Variants in SPATA31C1 observed in about 807,000 individuals in gnomAD.
SPATA31C1 encodes the protein SPATA31 subfamily C member 1, also known as spermatogenesis-associated protein 31C1.
Position 87,919,255 on chromosome 9 carries a change from C to T in SPATA31C1, n.523-36C>T, listed in dbSNP as rs199847889. The T allele has an allele frequency of 7.8e-4, 1,248 of 1,599,526 alleles. 32 individuals carry two copies. In the South Asian group the frequency reaches 0.012, roughly 15 times the overall value. ...CTCCTCGCCATTTCTTGTCTCCCAG[C>T]GTCATCTTGTCTCCCAGCGTCATCT... is the stretch of plus-strand genomic sequence containing the variant. On this transcript the variant is annotated intron_variant and non_coding_transcript_variant, in intron 2 of 4. Transcript: ENST00000420021.
At chr9:87,921,222 G>T (rs1440420364) in exon 5 of SPATA31C1, 10 of 1,611,814 alleles carry the variant, frequency 6.2e-6, no homozygotes, top group Non-Finnish European at 8.5e-6. Context: ...CCTTCCCCAG[G>T]AAAGACTGAC....
At chr9:87,920,712 C>T (rs562949328) in exon 5 of SPATA31C1, 27 of 1,614,014 alleles carry the variant, frequency 1.7e-5, no homozygotes, top group East Asian at 1.6e-4. Context: ...CTTGTCTCCA[C>T]GTGAGGATTT....
chr9:87,917,456 G>C (rs1828756890), intron 1 of SPATA31C1: 2 of 108,078 alleles, frequency 1.9e-5, no homozygotes, highest in Middle Eastern at 9.8e-3. Flanking sequence ...AAGTGAGATA[G>C]AAATAATTTT....
chr9:87,917,017 G>T (rs200490351), intron 1 of SPATA31C1, among the ~76,000 whole-genome samples: 27,490 of 100,410 alleles, frequency 0.27, 3,416 homozygotes, highest in South Asian at 0.36. Context: ...GAAAACTGCA[G>T]GTCCTGCACA....
chr9:87,920,073 A>C, intron 4 of SPATA31C1, 97 bp downstream of exon 3: 1 of 1,608,382 alleles, frequency 6.2e-7, no homozygotes, highest in East Asian at 2.2e-5. Context: ...TGGGGAGACC[A>C]GGGGGACAGA....
In SPATA31C1 at chr9:87,920,247, T is replaced by C; in HGVS notation, n.642-5T>C. The C allele has an allele frequency of 6.2e-7, 1 of 1,613,092 alleles. No homozygotes were observed. Among genetic ancestry groups the C allele is most frequent in the Non-Finnish European group, 8.5e-7 (1 of 1,179,568 alleles). ...GCTGCAGCTTGTGCCTCCTGTCTCC[T>C]GCAGCCTCCTGGGGCCACACCTTGA... On this transcript the variant is annotated splice_region_variant and splice_polypyrimidine_tract_variant and intron_variant and non_coding_transcript_variant, in intron 4 of 4. Coordinates refer to ENST00000420021, the Ensembl canonical transcript of SPATA31C1.
At chr9:87,922,201 C>G in exon 5 of SPATA31C1, 1 of 1,613,280 alleles carries the variant, frequency 6.2e-7, no homozygotes, top group Non-Finnish European at 8.5e-7. Context: ...TCCTTGAAGG[C>G]TCCTACAGCT....
downstream of SPATA31C1, chr9:87,923,640 T>C (rs1401110685): frequency 1.6e-6 from 1 of 634,754 alleles, no homozygotes; most frequent in African/African-American, 1.8e-5. Flanking sequence ...TTCCACAATA[T>C]ATACGGTTTT....
At chr9:87,922,336 C>G (rs754252520) in exon 5 of SPATA31C1, 3 of 1,611,160 alleles carry the variant, frequency 1.9e-6, no homozygotes, top group East Asian at 2.2e-5. Context: ...GTGCCACAAC[C>G]CACAGTCCCC....
intron 4 of SPATA31C1, 87 bp from the exon 4 acceptor site, chr9:87,920,165 G>A: frequency 1.2e-6 from 2 of 1,602,288 alleles, no homozygotes; most frequent in Middle Eastern, 2.2e-4. Context: ...GGTGTGGCGT[G>A]GTGGAGGGGC....
At chr9:87,921,625 C>G (rs771435101) in exon 5 of SPATA31C1, 3 of 1,612,014 alleles carry the variant, frequency 1.9e-6, no homozygotes, top group Non-Finnish European at 2.5e-6. Context: ...TTAAGACGCA[C>G]AGAGAGGAAT....
chr9:87,916,856 G>A (rs1828737283), intron 1 of SPATA31C1, among the ~76,000 whole-genome samples: 1 of 74,214 alleles, frequency 1.3e-5, no homozygotes, highest in Non-Finnish European at 3.9e-5. Context: ...AATTAGCCGG[G>A]CGTGGTAGCA....
At chr9:87,920,441 C>G in exon 5 of SPATA31C1, 1 of 1,613,988 alleles carries the variant, frequency 6.2e-7, no homozygotes, top group Non-Finnish European at 8.5e-7. Context: ...AGGATCTGGC[C>G]TCCACCCCAC....
At chr9:87,921,320 G>A (rs979026859) in exon 5 of SPATA31C1, 11 of 1,612,036 alleles carry the variant, frequency 6.8e-6, no homozygotes, top group Admixed American at 1.7e-5. Context: ...GGATCCAAGA[G>A]TCTCTGGATC....
Position 87,923,307 on chromosome 9 carries a change from GAC to G in SPATA31C1, n.3699_3700del, listed in dbSNP as rs772578500. 7.9e-5 allele frequency: 127 copies of G among 1,603,208 alleles called. 1 individual carries two copies. The highest frequency in any genetic ancestry group is 9.5e-5 in the Non-Finnish European group (111 of 1,173,004). On this transcript the variant is annotated non_coding_transcript_exon_variant, in exon 5 of 5. Coordinates refer to ENST00000420021, the Ensembl canonical transcript of SPATA31C1. Reference sequence around the variant, plus strand: ...CAAGAACCAGAGTCGTCCCAACAGAGACAGACAAATCAGAGATCAGCAGCCCT... The same window carrying G: ...CAAGAACCAGAGTCGTCCCAACAGAGAGACAAATCAGAGATCAGCAGCCCT...
exon 5 of SPATA31C1, chr9:87,921,909 C>T: frequency 6.2e-7 from 1 of 1,612,036 alleles, no homozygotes; most frequent in Non-Finnish European, 8.5e-7. Flanking sequence ...GTGGGGTCTA[C>T]CCCTCAGGGT....
exon 5 of SPATA31C1, chr9:87,921,572 G>A (rs1828868796): frequency 6.2e-7 from 1 of 1,612,010 alleles, no homozygotes; most frequent in Non-Finnish European, 8.5e-7. Flanking sequence ...AGTCAGAAAG[G>A]AACCTGAGGA....
At chr9:87,919,290 G>A (rs773779147) in intron 2 of SPATA31C1, 1 of 1,598,992 alleles carries the variant, frequency 6.3e-7, no homozygotes, top group Non-Finnish European at 8.5e-7. Context: ...TTGTCTCCCA[G>A]TGTCCAACAG....
At chr9:87,920,804 C>A (rs1828837241) in exon 5 of SPATA31C1, 1 of 1,613,806 alleles carries the variant, frequency 6.2e-7, no homozygotes, top group Admixed American at 1.7e-5. Flanking sequence ...AGGAGACTAC[C>A]AAAACCTGGT....
Sources: allele counts gnomAD v4.1 joint callset (sites outside exome capture counted in the v4.1 genomes callset), GRCh38; gene constraint gnomAD v4.1.1; transcripts MANE v1.5; gene names NCBI Gene and HGNC (gene_info 2026-07-23, HGNC 2026-07-21).